Variants in CELF2 observed in about 807,000 individuals in gnomAD.
CELF2 encodes the protein CUGBP Elav-like family member 2.
CELF2 carries 8 observed loss-of-function variants against 62.6 expected under a neutral mutation model. The observed-to-expected ratio is 0.13, with a 90% CI of 0.07 to 0.23. The LOEUF (loss-of-function observed/expected upper bound fraction) is 0.23. Among genes scored for constraint, CELF2 ranks in the 10% least tolerant of loss-of-function variants. The pLI is 1.00. For missense variants in CELF2, 333 were observed against 671.0 expected (o/e 0.50, Z 5.56); for synonymous variants, 258 against 250.0 (o/e 1.03, Z -0.30).
the CELF2 span, among the ~76,000 whole-genome samples, chr10:10,672,641 G>C: frequency 9.9e-5 from 15 of 151,884 alleles, no homozygotes; most frequent in East Asian, 2.1e-3. Flanking sequence ...CTGTCTTCTG[G>C]TCTATTGATC....
intron 9 of CELF2, among the ~76,000 whole-genome samples, chr10:11,307,636 T>C (rs1010976518): frequency 6.6e-6 from 1 of 152,170 alleles, no homozygotes; most frequent in Admixed American, 6.5e-5. Flanking sequence ...TCCGTTTAAA[T>C]ACAATGAAAC....
the CELF2 span, among the ~76,000 whole-genome samples, chr10:10,524,962 G>A: frequency 1.3e-5 from 2 of 152,108 alleles, no homozygotes; most frequent in Non-Finnish European, 2.9e-5. Flanking sequence ...AATGTAGAGG[G>A]TTCTTAGATT....
chr10:10,923,193 C>T (rs933524234), intron 2 of CELF2: 2 of 152,124 alleles, frequency 1.3e-5, no homozygotes, highest in East Asian at 1.9e-4. Context: ...GTTTTTTCTG[C>T]ACTTAGTCAT....
the CELF2 span, among the ~76,000 whole-genome samples, chr10:10,732,508 G>A: frequency 4.0e-5 from 6 of 148,152 alleles, no homozygotes; most frequent in Non-Finnish European, 8.9e-5. Context: ...CTCTTACTTT[G>A]GACTCACTCT....
the CELF2 span, among the ~76,000 whole-genome samples, chr10:10,563,591 T>C: frequency 8.2e-6 from 1 of 122,242 alleles, no homozygotes; most frequent in African/African-American, 3.3e-5. Context: ...CTGGGCGACA[T>C]AGGGAGACTG....
At position 10,989,281 on chromosome 10, in the gene CELF2, G is replaced by C. The variant is rs573967931; in HGVS notation, c.89+69282G>C. On this transcript the variant is annotated intron_variant, in intron 2 of 13. Coordinates refer to the CELF2 transcript ENST00000636488. ...TATTGTAAATCTCAGCTTGAAGTTC[G>C]CTTTGAAAGGGAAGCATAATGCTAA... is the stretch of plus-strand genomic sequence containing the variant. Among the ~76,000 whole-genome samples the C allele has an allele frequency of 5.3e-5, 8 of 152,134 alleles. No homozygotes were observed. In the South Asian group the frequency reaches 1.7e-3, roughly 32 times the overall value.
intron 1 of CELF2, among the ~76,000 whole-genome samples, chr10:10,876,318 G>T (rs1339813778): frequency 6.6e-6 from 1 of 152,166 alleles, no homozygotes; most frequent in African/African-American, 2.4e-5. Flanking sequence ...ATTGTGCTAT[G>T]CTGTGGTGAG....
At chr10:10,546,967 C>T in the CELF2 span, among the ~76,000 whole-genome samples, 1 of 151,962 alleles carries the variant, frequency 6.6e-6, no homozygotes, top group African/African-American at 2.4e-5. Flanking sequence ...ATTAGCTGGG[C>T]ATGGTGGCAT....
intron 1 of CELF2, among the ~76,000 whole-genome samples, chr10:11,091,847 G>A (rs979250688): frequency 6.6e-6 from 1 of 152,170 alleles, no homozygotes; most frequent in Admixed American, 6.5e-5. Flanking sequence ...CAGAATGAAC[G>A]ATTCTCACAG....
chr10:10,905,426 A>C (rs2063252919), intron 1 of CELF2, among the ~76,000 whole-genome samples: 2 of 152,166 alleles, frequency 1.3e-5, no homozygotes, highest in Non-Finnish European at 1.5e-5. Flanking sequence ...AGTTTGGTCT[A>C]AGTTTGATAA....
At chr10:11,030,677 A>AG (rs1444513485) in intron 1 of CELF2, 1 of 152,290 alleles carries the variant, frequency 6.6e-6, no homozygotes, top group Admixed American at 6.5e-5. Context: ...TGGTGTAAAC[A>AG]GGTTGAGTTT....
chr10:10,596,247 T>G, the CELF2 span, among the ~76,000 whole-genome samples: 1 of 114,706 alleles, frequency 8.7e-6, no homozygotes, highest in Non-Finnish European at 2.1e-5. Context: ...GGATTCTAAC[T>G]TCTACCTGTA....
intron 1 of CELF2, among the ~76,000 whole-genome samples, chr10:10,831,360 G>A (rs1004087750): frequency 7.9e-5 from 12 of 152,220 alleles, no homozygotes; most frequent in Non-Finnish European, 1.5e-4. Context: ...CAAGGTTTCC[G>A]AAGCCACGCT....
At chr10:10,462,615 C>CTTTTTTTTTTTTATTT in the CELF2 span, among the ~76,000 whole-genome samples, 1 of 69,414 alleles carries the variant, frequency 1.4e-5, no homozygotes, top group Non-Finnish European at 2.5e-5. Context: ...TTTTTTTCAT[C>CTTTTTTTTTTTTATTT]TTTTTTTTTT....
chr10:10,485,814 G>A, the CELF2 span, among the ~76,000 whole-genome samples: 1 of 152,132 alleles, frequency 6.6e-6, no homozygotes, highest in Non-Finnish European at 1.5e-5. Context: ...GCAAAACAGA[G>A]CCCTACAACA....
rs1370159383 is a variant in CELF2, at chr10:11,321,125, T to A, written c.1097-64T>A. On this transcript the variant is annotated intron_variant, in intron 10 of 12. Coordinates refer to ENST00000633077, the MANE Select transcript of CELF2 (RefSeq NM_001326342.2). This position sits in a 1 kb window ranked among gnomAD's most constrained non-coding sequence, Gnocchi z 6.2. The stretch of plus-strand genomic sequence containing the variant: ...ACTGTGTTTAAATGATTCTCTAACT[T>A]CCTTTGGAAAGCACTAATGAATAAG... 9 of 1,542,034 alleles carry A rather than the reference T, an allele frequency of 5.8e-6. No individual in the cohort carries two copies. The East Asian group carries it at 2.0e-4, about 35-fold the overall frequency.
chr10:11,175,817 C>G (rs932683551), intron 2 of CELF2, among the ~76,000 whole-genome samples: 1 of 152,198 alleles, frequency 6.6e-6, no homozygotes, highest in African/African-American at 2.4e-5. Flanking sequence ...GCAGTAGATG[C>G]TTCTGGGTGC....
chr10:11,264,366 C>A (rs935899050), intron 5 of CELF2, among the ~76,000 whole-genome samples: 1 of 152,198 alleles, frequency 6.6e-6, no homozygotes, highest in Non-Finnish European at 1.5e-5. Context: ...ATGTTTCTTA[C>A]GCATTTTTAC....
Position 11,280,989 on chromosome 10 carries a change from CGTGTGTGTGTGTGT to C in CELF2, c.841+5888_841+5901del, listed in dbSNP as rs60798946. On this transcript the variant is annotated intron_variant, in intron 8 of 12. Transcript: ENST00000633077. The surrounding 1 kb of genome is among the most constrained non-coding windows in gnomAD (Gnocchi z 7.6). ...TGGCGTGCGTGTGCATGCCTGTGTG[CGTGTGTGTGTGTGT>C]GTGTGTGTGTGTGTGTGTTCAGAAT... 9.0e-5 allele frequency among the ~76,000 whole-genome samples: 13 copies of C among 144,514 alleles called. No homozygotes were observed. Among genetic ancestry groups the C allele is most frequent in the African/African-American group, 3.1e-4 (12 of 38,956 alleles). The allele number at this position is 144,514 out of a possible 152,430, so 94.8% of individuals were successfully genotyped here. A position where few individuals can be genotyped will look rare whatever the true frequency, so the allele number is the denominator to read the frequency against.
Sources: gnomAD v4.1 joint callset for allele counts (sites outside exome capture counted in the v4.1 genomes callset) on GRCh38, gnomAD v4.1.1 for gene constraint, Gnocchi (gnomAD v3.1) non-coding constraint, MANE v1.5 for transcripts, NCBI Gene and HGNC (gene_info 2026-07-23, HGNC 2026-07-21) for gene names.